Variants in MALRD1 observed in about 807,000 individuals in gnomAD.
MALRD1 encodes the protein MAM and LDL receptor class A domain containing 1.
MALRD1 carries 247 observed loss-of-function variants against 242.1 expected under a neutral mutation model. The ratio of observed to expected loss-of-function variants is 1.02; its 90% CI spans 0.92 to 1.13. The LOEUF (loss-of-function observed/expected upper bound fraction) is 1.13. MALRD1 is among the 50% of genes most tolerant of loss of function. MALRD1 has a pLI of 0.00. For missense variants in MALRD1, 2,989 were observed against 2,533.1 expected, an observed-to-expected ratio of 1.18 and a Z score of -3.86; for synonymous variants, 995 against 866.6, an observed-to-expected ratio of 1.15 and a Z score of -2.60.
rs80115940 is a variant in MALRD1, at chr10:19,265,192, C to G, written c.3079+7421C>G. On this transcript the variant is annotated intron_variant, in intron 19 of 39. Transcript: ENST00000454679. The stretch of plus-strand genomic sequence containing the variant: ...AAAATTAATTTTGAGTTTCATTGAT[C>G]TTTTTATTTTTTTCTTCATTGTAAT... 2.2e-3 allele frequency among the ~76,000 whole-genome samples: 340 copies of G among 151,850 alleles called. 11 individuals are homozygous for G. In the East Asian group the frequency reaches 0.048, roughly 21 times the overall value.
chr10:19,297,292 T>C (rs1289278980), intron 21 of MALRD1, among the ~76,000 whole-genome samples: 1 of 151,842 alleles, frequency 6.6e-6, no homozygotes, highest in African/African-American at 2.4e-5. Context: ...TACTTATAAT[T>C]GTTTTCACTT....
At chr10:19,384,364 A>G (rs1434376805) in intron 26 of MALRD1, among the ~76,000 whole-genome samples, 1 of 122,518 alleles carries the variant, frequency 8.2e-6, no homozygotes, top group African/African-American at 3.1e-5. Flanking sequence ...TATATTATAT[A>G]GTATATAATA....
chr10:19,384,978 G>A (rs1165704737), intron 26 of MALRD1, among the ~76,000 whole-genome samples: 8 of 151,668 alleles, frequency 5.3e-5, no homozygotes, highest in Non-Finnish European at 1.2e-4. Context: ...ATGAAATGGT[G>A]TTGAATTTTG....
chr10:19,656,332 A>G (rs564177407), intron 36 of MALRD1, among the ~76,000 whole-genome samples: 2 of 152,088 alleles, frequency 1.3e-5, no homozygotes, highest in Non-Finnish European at 1.5e-5. Context: ...AGAGTGCTTT[A>G]TTTGCTGTTA....
At chr10:19,577,738 T>C (rs1836899954) in intron 33 of MALRD1, among the ~76,000 whole-genome samples, 2 of 151,982 alleles carry the variant, frequency 1.3e-5, no homozygotes, top group African/African-American at 4.8e-5. Context: ...TGCATTAATA[T>C]ATATGTAACA....
chr10:19,146,109 G>T, intron 10 of MALRD1, 89 bp from the exon 11 acceptor site: 1 of 1,018,788 alleles, frequency 9.8e-7, no homozygotes, highest in Non-Finnish European at 1.3e-6. Context: ...AATTTTGCAG[G>T]CCTCCTAAGA....
In MALRD1 at chr10:19,205,195, T is replaced by A; in HGVS notation, c.2508T>A (p.Ala836=). The change falls in exon 17 of 40, where the codon GCT becomes GCA. Residue 836 remains alanine (A), a synonymous_variant. Transcript: ENST00000454679. ...LDHFWCRHTR[A]CIEKLRLCDL... is the part of the protein sequence containing the mutation. ...ATTTCTGGTGTCGCCACACCAGGGC[T>A]TGCATAGAAAAGCTTCGGTTATGTG... The A allele has an allele frequency of 3.9e-6, 6 of 1,551,060 alleles. No homozygotes were observed. The highest frequency in any genetic ancestry group is 5.2e-6 in the Non-Finnish European group (6 of 1,147,064).
intron 35 of MALRD1, among the ~76,000 whole-genome samples, chr10:19,615,083 G>A (rs1343932244): frequency 1.3e-5 from 2 of 151,992 alleles, no homozygotes; most frequent in Non-Finnish European, 2.9e-5. Context: ...GTTCCAAGGA[G>A]GATATTGAAT....
intron 18 of MALRD1, among the ~76,000 whole-genome samples, chr10:19,249,994 T>A (rs1003857087): frequency 6.6e-6 from 1 of 152,020 alleles, no homozygotes; most frequent in East Asian, 1.9e-4. Context: ...CATATGATGA[T>A]TTTTTGTAGA....
At chr10:19,431,363 T>C (rs1371291884) in intron 28 of MALRD1, among the ~76,000 whole-genome samples, 1 of 152,186 alleles carries the variant, frequency 6.6e-6, no homozygotes, top group Admixed American at 6.6e-5. Context: ...AGAGTAAAAG[T>C]TTGGGTATTT....
intron 29 of MALRD1, among the ~76,000 whole-genome samples, chr10:19,487,350 CTG>C (rs1375143822): frequency 9.9e-6 from 1 of 101,172 alleles, no homozygotes; most frequent in African/African-American, 4.2e-5. Flanking sequence ...ATACGTGAGG[CTG>C]TTTTTTATTT....
intron 32 of MALRD1, among the ~76,000 whole-genome samples, chr10:19,543,256 CGTTTTTGTT>C (rs1835058681): frequency 8.2e-6 from 1 of 122,348 alleles, no homozygotes; most frequent in Non-Finnish European, 1.8e-5. Flanking sequence ...GCTGATTTTT[CGTTTTTGTT>C]TTATTTATCT....
intron 36 of MALRD1, among the ~76,000 whole-genome samples, chr10:19,658,008 C>G (rs1841245886): frequency 6.6e-6 from 1 of 151,878 alleles, no homozygotes; most frequent in Non-Finnish European, 1.5e-5. Context: ...ATTAGCCAGA[C>G]ATGGTGGTGC....
chr10:19,529,557 G>A (rs1469004490), intron 31 of MALRD1, among the ~76,000 whole-genome samples: 4 of 141,358 alleles, frequency 2.8e-5, no homozygotes, highest in African/African-American at 1.0e-4. Flanking sequence ...GGGGGGGGGA[G>A]AAAACAAAGA....
intron 38 of MALRD1, among the ~76,000 whole-genome samples, chr10:19,695,822 C>T (rs1194959793): frequency 3.9e-5 from 6 of 152,034 alleles, no homozygotes; most frequent in South Asian, 2.1e-4. Context: ...CCGTGCCCGG[C>T]GCCAAAGGCA....
chr10:19,112,806 T>A (rs1227895172), intron 5 of MALRD1, among the ~76,000 whole-genome samples: 3 of 152,222 alleles, frequency 2.0e-5, no homozygotes, highest in Non-Finnish European at 2.9e-5. Flanking sequence ...ATATATTTGC[T>A]ACAGAAACTG....
intron 28 of MALRD1, among the ~76,000 whole-genome samples, chr10:19,402,179 C>T (rs1163946321): frequency 2.0e-5 from 3 of 152,118 alleles, no homozygotes; most frequent in Non-Finnish European, 2.9e-5. Flanking sequence ...GGAAGGCCAT[C>T]GTTCTTTATC....
At chr10:19,065,720 C>G (rs544529569) in intron 1 of MALRD1, among the ~76,000 whole-genome samples, 3 of 152,284 alleles carry the variant, frequency 2.0e-5, no homozygotes, top group African/African-American at 7.2e-5. Flanking sequence ...TGCTCCAGGT[C>G]TTCTGTTTCT....
intron 18 of MALRD1, among the ~76,000 whole-genome samples, chr10:19,248,994 TTATATTAAA>T (rs1159598975): frequency 8.8e-5 from 13 of 147,026 alleles, no homozygotes; most frequent in Non-Finnish European, 6.0e-5. Flanking sequence ...TGTTATATAT[TTATATTAAA>T]TATATTTATA....
Sources: gnomAD v4.1 joint callset for allele counts (sites outside exome capture counted in the v4.1 genomes callset) on GRCh38, gnomAD v4.1.1 for gene constraint, MANE v1.5 for transcripts, NCBI Gene and HGNC (gene_info 2026-07-23, HGNC 2026-07-21) for gene names.